The following JADE2 variants were observed in gnomAD, a reference collection of about 807,000 sequenced individuals.
JADE2 encodes E3 ubiquitin-protein ligase Jade-2.
In JADE2, 13 loss-of-function variants were observed where a neutral mutation model predicts 85.7. The observed-to-expected ratio is 0.15, with a 90% CI of 0.10 to 0.24. JADE2 has a LOEUF of 0.24. Among genes scored for constraint, JADE2 ranks in the 10% least tolerant of loss-of-function variants. The probability of loss-of-function intolerance (pLI) is 1.00; values close to 1 mark genes in which losing one functional copy is unlikely to be tolerated. For missense variants in JADE2, 846 were observed against 1,115.9 expected, an observed-to-expected ratio of 0.76 and a Z score of 3.45; for synonymous variants, 440 against 456.1, an observed-to-expected ratio of 0.96 and a Z score of 0.45.
At chr5:134,548,893 T>C (rs1762446988) in intron 3 of JADE2, among the ~76,000 whole-genome samples, 1 of 152,146 alleles carries the variant, frequency 6.6e-6, no homozygotes, top group South Asian at 2.1e-4. Context: ...TGTTTGGGGA[T>C]TTTGGCCACT....
In JADE2 at chr5:134,579,519, C is replaced by A. The variant is rs1764596409; in HGVS notation, c.*202C>A. Reference sequence around the variant, plus strand: ...GTGCTGGCCTAGGACATTAGGATTCCTTCCACGGCTCCGGCCGCTAGGACC... The same window carrying A: ...GTGCTGGCCTAGGACATTAGGATTCATTCCACGGCTCCGGCCGCTAGGACC... On this transcript the variant is annotated 3_prime_UTR_variant, in exon 12 of 12. Transcript: ENST00000681547. This position sits in a 1 kb window ranked among gnomAD's most constrained non-coding sequence, Gnocchi z 4.6. 1.8e-6 allele frequency: 1 copy of A among 552,094 alleles called. No homozygotes were observed. The allele number at this position is 552,094 out of a possible 1,614,324, so 34.2% of individuals were successfully genotyped here. A position where few individuals can be genotyped will look rare whatever the true frequency, so the allele number is the denominator to read the frequency against.
intron 1 of JADE2, among the ~76,000 whole-genome samples, chr5:134,529,265 C>T (rs76838608): frequency 6.6e-6 from 1 of 152,202 alleles, no homozygotes; most frequent in Non-Finnish European, 1.5e-5. Flanking sequence ...CCTGGCTTGC[C>T]CTGTCCTCCA....
chr5:134,575,012 A>G (rs886518363), intron 10 of JADE2: 1 of 152,280 alleles, frequency 6.6e-6, no homozygotes, highest in African/African-American at 2.4e-5. Flanking sequence ...CATGCAAGGC[A>G]CCCACAGTTG....
Position 134,535,854 on chromosome 5 carries a change from G to A in JADE2, c.1-4G>A, listed in dbSNP as rs372212223. The A allele has an allele frequency of 2.4e-5, 39 of 1,613,874 alleles. No homozygotes were observed. The African/African-American group carries it at 4.8e-4, about 20-fold the overall frequency. On this transcript the variant is annotated splice_region_variant and splice_polypyrimidine_tract_variant and intron_variant, in intron 1 of 11. Coordinates refer to ENST00000681547, the MANE Select transcript of JADE2 (RefSeq NM_001388185.1). Reference sequence around the variant, plus strand: ...GAGTATAATGGGCTTGCCTTTTGTTGCAGATGGAAGAGAAGAGGCGAAAAT... The same window carrying A: ...GAGTATAATGGGCTTGCCTTTTGTTACAGATGGAAGAGAAGAGGCGAAAAT...
At chr5:134,539,284 C>T (rs1167583695) in intron 3 of JADE2, among the ~76,000 whole-genome samples, 4 of 151,994 alleles carry the variant, frequency 2.6e-5, no homozygotes, top group East Asian at 3.9e-4. Context: ...AGGATGGTCT[C>T]GACCTCCTGA....
rs1429840910 is a variant in JADE2, at chr5:134,576,828, G to T, written c.1613G>T (p.Gly538Val). 1 of 1,550,616 alleles carries T rather than the reference G, an allele frequency of 6.4e-7. No individual in the cohort carries two copies. Among genetic ancestry groups the T allele is most frequent in the Non-Finnish European group, 8.7e-7 (1 of 1,146,982 alleles). Residue 538 changes from glycine (G) to valine (V), a missense_variant, in exon 11 of 12, where the codon GGC (glycine) becomes GTC (valine). This residue lies in a region of JADE2 where 119 missense variants were observed against 163.9 expected (regional missense o/e 0.73). Transcript: ENST00000681547. ...GACTCGAAGAGGAAGGGCTGCGAGG[G>T]CTCCAAGGGCAGCACTGAGAAGAAA... Reference protein sequence around the residue: ...KSDSKRKGCEGSKGSTEKKEK... With the variant: ...KSDSKRKGCEVSKGSTEKKEK...
intron 10 of JADE2, chr5:134,574,139 AC>A (rs1764218795): frequency 3.0e-6 from 1 of 330,676 alleles, no homozygotes; most frequent in Admixed American, 4.6e-5. Context: ...GCTTCCCTGA[AC>A]CCTGGTGTGC....
At chr5:134,527,125 T>G (rs1380700132) in intron 1 of JADE2, among the ~76,000 whole-genome samples, 3 of 107,824 alleles carry the variant, frequency 2.8e-5, no homozygotes, top group African/African-American at 1.1e-4. Context: ...CGCCCCCACC[T>G]AGCGCTGCTG....
chr5:134,526,338 CGGCGAGGGGGCGCGGGCG>C, intron 1 of JADE2: 1 of 985,158 alleles, frequency 1.0e-6, no homozygotes, highest in Non-Finnish European at 1.2e-6. Context: ...GCCCCCGGGC[CGGCGAGGGGGCGCGGGCG>C]GGCGGGGGCG....
chr5:134,566,590 C>T lies in JADE2; in HGVS notation c.1434+10C>T. 1 of 1,534,666 alleles carries T rather than the reference C, an allele frequency of 6.5e-7. No homozygotes were observed. Among genetic ancestry groups the T allele is most frequent in the Non-Finnish European group, 8.8e-7 (1 of 1,135,986 alleles). Reference sequence around the variant, plus strand: ...GCAGGACCTAGAGAGGGTGAGTCCCCATGCCGCCTGCCCACCCCCTGCCTG... The same window carrying T: ...GCAGGACCTAGAGAGGGTGAGTCCCTATGCCGCCTGCCCACCCCCTGCCTG... On this transcript the variant is annotated intron_variant, in intron 9 of 11. Coordinates refer to ENST00000681547, the MANE Select transcript of JADE2 (RefSeq NM_001388185.1). The surrounding 1 kb of genome is among the most constrained non-coding windows in gnomAD (Gnocchi z 6.7).
intron 1 of JADE2, chr5:134,526,816 G>A: frequency 2.1e-6 from 2 of 938,938 alleles, no homozygotes; most frequent in Non-Finnish European, 1.3e-6. Context: ...GTCGGGGGCA[G>A]CCTCCACCTC....
rs1428031743 is a variant in JADE2 at position 134,582,276 on chromosome 5, G to C, written c.*2959G>C. On this transcript the variant is annotated 3_prime_UTR_variant, in exon 12 of 12. Transcript: ENST00000681547. ...TTTTATTAAATGAGCCTGACTTAGTGACAGTGTGTGAGCATTTGCAATGTA... is the reference window on the plus strand; with the variant it reads ...TTTTATTAAATGAGCCTGACTTAGTCACAGTGTGTGAGCATTTGCAATGTA... The C allele has an allele frequency of 3.9e-5, 6 of 152,256 alleles. No individual in the cohort carries two copies. The South Asian group carries it at 1.0e-3, about 26-fold the overall frequency. 9.4% of individuals were successfully genotyped at this position (152,256 alleles called of 1,614,324 possible). A position where few individuals can be genotyped will look rare whatever the true frequency, so the allele number is the denominator to read the frequency against.
At chr5:134,555,925 T>A (rs1029892459) in intron 4 of JADE2, among the ~76,000 whole-genome samples, 6 of 152,100 alleles carry the variant, frequency 3.9e-5, no homozygotes, top group Non-Finnish European at 5.9e-5. Context: ...CCAAGCCCCT[T>A]CCCCTTCTCC....
rs933586404 is a variant in JADE2, at chr5:134,579,590, C to T, written c.*273C>T. ...TCCCTGCCCTGCCCACGTGGTATTG[C>T]TGGGCTCCTGGCTAGATGCAAGCAA... is the stretch of plus-strand genomic sequence containing the variant. On this transcript the variant is annotated 3_prime_UTR_variant, in exon 12 of 12. Transcript: ENST00000681547. The surrounding 1 kb of genome is among the most constrained non-coding windows in gnomAD (Gnocchi z 4.6). The T allele has an allele frequency of 7.1e-6, 3 of 421,116 alleles. No individual in the cohort carries two copies. The highest frequency in any genetic ancestry group is 5.9e-5 in the African/African-American group (3 of 50,830). The allele number at this position is 421,116 out of a possible 1,614,324, so 26.1% of individuals were successfully genotyped here.
rs1764692978 is a variant in JADE2 at position 134,581,160 on chromosome 5, C to T, written c.*1843C>T. 6.6e-6 allele frequency: 1 copy of T among 152,528 alleles called. No homozygotes were observed. Among genetic ancestry groups the T allele is most frequent in the Non-Finnish European group, 1.5e-5 (1 of 68,034 alleles). The allele number at this position is 152,528 out of a possible 1,614,324, so 9.4% of individuals were successfully genotyped here. A position where few individuals can be genotyped will look rare whatever the true frequency, so the allele number is the denominator to read the frequency against. ...TAATGACTCAGTTCAGAGGATCGGA[C>T]AAATGTGTCTAGTCCGGGTGGACTC... On this transcript the variant is annotated 3_prime_UTR_variant, in exon 12 of 12. Transcript: ENST00000681547.
chr5:134,533,484 C>G, intron 1 of JADE2: 1 of 967,590 alleles, frequency 1.0e-6, no homozygotes, highest in Non-Finnish European at 1.2e-6. Context: ...TTGAACCCAT[C>G]AACAACTTCT....
chr5:134,553,859 A>G (rs1762752625), intron 4 of JADE2, among the ~76,000 whole-genome samples: 1 of 152,192 alleles, frequency 6.6e-6, no homozygotes, highest in African/African-American at 2.4e-5. Flanking sequence ...CGCTCTTGTC[A>G]GGAGGAGGCC....
intron 1 of JADE2, chr5:134,526,639 C>T: frequency 1.5e-5 from 15 of 985,514 alleles, no homozygotes; most frequent in Non-Finnish European, 1.8e-5. Flanking sequence ...CCTGTCGCCC[C>T]CTCTCCCGGC....
chr5:134,543,275 C>T (rs1050434549), intron 3 of JADE2, among the ~76,000 whole-genome samples: 3 of 151,370 alleles, frequency 2.0e-5, no homozygotes, highest in African/African-American at 7.3e-5. Flanking sequence ...CGTGATCCGC[C>T]CACCTCGGCC....
Sources: gnomAD v4.1 joint callset for allele counts (sites outside exome capture counted in the v4.1 genomes callset) on GRCh38, gnomAD v4.1.1 for gene constraint, gnomAD v4.1.1 regional missense constraint, Gnocchi (gnomAD v3.1) non-coding constraint, MANE v1.5 for transcripts, NCBI Gene and HGNC (gene_info 2026-07-23, HGNC 2026-07-21) for gene names.